Variants in GABRB2 observed in about 807,000 individuals in gnomAD.
GABRB2 encodes the protein gamma-aminobutyric acid type A receptor subunit beta2, also known as gamma-aminobutyric acid receptor subunit beta-2.
Under a neutral mutation model 54.7 loss-of-function variants are expected in GABRB2, and 16 were observed. The observed-to-expected ratio is 0.29, with a 90% confidence interval of 0.20 to 0.44. The LOEUF is 0.44. Among genes scored for constraint, GABRB2 ranks in the 20% least tolerant of loss-of-function variants. The probability of loss-of-function intolerance (pLI) is 1.00; values close to 1 mark genes in which losing one functional copy is unlikely to be tolerated. For synonymous variants in GABRB2, 244 were observed against 233.8 expected (o/e 1.04, Z -0.40); for missense variants, 355 against 644.0 (o/e 0.55, Z 4.86).
chr5:161,466,125 G>A (rs531166967), intron 3 of GABRB2, among the ~76,000 whole-genome samples: 1 of 151,916 alleles, frequency 6.6e-6, no homozygotes, highest in African/African-American at 2.4e-5. Flanking sequence ...GGATTTGCTT[G>A]GTGTGTGCTT....
chr5:161,500,940 C>T (rs1010473695), intron 3 of GABRB2, among the ~76,000 whole-genome samples: 2 of 152,044 alleles, frequency 1.3e-5, no homozygotes, highest in African/African-American at 2.4e-5. Flanking sequence ...CCCACTAACT[C>T]GTCATCTAGC....
chr5:161,481,953 T>C (rs1758775840), intron 3 of GABRB2, among the ~76,000 whole-genome samples: 1 of 151,984 alleles, frequency 6.6e-6, no homozygotes, highest in African/African-American at 2.4e-5. Flanking sequence ...GAGGCCTTTA[T>C]TCCACTGAGA....
chr5:161,379,649 A>G (rs1422952), intron 5 of GABRB2, among the ~76,000 whole-genome samples: 1 of 152,100 alleles, frequency 6.6e-6, no homozygotes, highest in South Asian at 2.1e-4. Flanking sequence ...AGAAGCAGAC[A>G]TTCATACATT....
chr5:161,366,765 G>A (rs1418694875), intron 5 of GABRB2, among the ~76,000 whole-genome samples: 1 of 152,124 alleles, frequency 6.6e-6, no homozygotes, highest in African/African-American at 2.4e-5. Context: ...GGCCAACATG[G>A]CAAAACCCCG....
At chr5:161,421,005 C>T (rs994123852) in intron 4 of GABRB2, among the ~76,000 whole-genome samples, 4 of 152,150 alleles carry the variant, frequency 2.6e-5, no homozygotes, top group African/African-American at 9.7e-5. Flanking sequence ...ACCTAAGGAG[C>T]CTTCTCCCAC....
chr5:161,502,171 T>TG (rs1759465077), intron 3 of GABRB2, among the ~76,000 whole-genome samples: 1 of 151,616 alleles, frequency 6.6e-6, no homozygotes, highest in South Asian at 2.1e-4. Context: ...ATTATGTTGA[T>TG]GGGGAAATCA....
chr5:161,531,617 G>A (rs1251677291), intron 3 of GABRB2, among the ~76,000 whole-genome samples: 1 of 151,894 alleles, frequency 6.6e-6, no homozygotes, highest in Non-Finnish European at 1.5e-5. Flanking sequence ...AATCACTTTT[G>A]AGTGATCCAT....
intron 4 of GABRB2, among the ~76,000 whole-genome samples, chr5:161,420,186 C>T (rs1053074232): frequency 2.0e-5 from 3 of 151,864 alleles, no homozygotes; most frequent in African/African-American, 7.3e-5. Context: ...CATTTCAGAA[C>T]AAGTTTATCA....
At chr5:161,428,896 C>T (rs1249123147) in intron 4 of GABRB2, among the ~76,000 whole-genome samples, 1 of 151,988 alleles carries the variant, frequency 6.6e-6, no homozygotes, top group Non-Finnish European at 1.5e-5. Flanking sequence ...TACCTCTGAA[C>T]ATGGATATAA....
upstream of GABRB2, chr5:161,546,734 T>G: frequency 6.5e-7 from 1 of 1,532,990 alleles, no homozygotes; most frequent in African/African-American, 1.4e-5. Flanking sequence ...GTGAGGCGCA[T>G]GCGCACGGCG....
At chr5:161,415,403 A>T (rs948765625) in intron 4 of GABRB2, among the ~76,000 whole-genome samples, 12 of 152,214 alleles carry the variant, frequency 7.9e-5, no homozygotes. Flanking sequence ...TATTATCCAA[A>T]AATGAATTGT....
At position 161,519,918 on chromosome 5, in the gene GABRB2, T is replaced by C. The variant is rs376736572; in HGVS notation, c.237+25309A>G. 5.3e-5 allele frequency among the ~76,000 whole-genome samples: 8 copies of C among 152,300 alleles called. No homozygotes were observed. The South Asian group carries it at 1.4e-3, about 28-fold the overall frequency. ...AAGGTCAAAGAGGAATAAACTATAT[T>C]TGATATTTTAAATTACATATCTAAC... On this transcript the variant is annotated intron_variant, in intron 3 of 9. Transcript: ENST00000393959.
intron 7 of GABRB2, 27 bp from the exon 8 acceptor site, chr5:161,331,154 A>C (rs1369759990): frequency 6.6e-7 from 1 of 1,518,664 alleles, no homozygotes; most frequent in East Asian, 2.3e-5. Flanking sequence ...GAGTTAGAGT[A>C]ATAATGTTCC....
At chr5:161,459,396 C>T (rs1477089768) in intron 4 of GABRB2, 7 of 558,798 alleles carry the variant, frequency 1.3e-5, no homozygotes, top group East Asian at 3.1e-5. Flanking sequence ...GCTTTAGGAT[C>T]AGCAGCTGAT....
At position 161,326,448 on chromosome 5, in the gene GABRB2, G is replaced by T; in HGVS notation, c.1111C>A (p.Gln371Lys). The change falls in exon 9 of 10, where the codon CAA becomes AAA. Residue 371 changes from glutamine to lysine, a missense_variant. By Grantham distance (53) the Gln-to-Lys change is moderately conservative. Transcript: ENST00000393959. ...FYKDIKQNGT[Q>K]YRSLWDPTGN... ...GTAGGGTCCCACAAGGATCGATATT[G>T]GGTCCCATTTTGTTTAATATCTTTA... 1 of 1,613,496 alleles carries T rather than the reference G, an allele frequency of 6.2e-7. No homozygotes were observed. The highest frequency in any genetic ancestry group is 1.7e-4 in the Middle Eastern group (1 of 6,060).
intron 5 of GABRB2, among the ~76,000 whole-genome samples, chr5:161,410,388 T>TCACACACACACACA (rs1491564761): frequency 6.7e-6 from 1 of 149,626 alleles, no homozygotes; most frequent in African/African-American, 2.5e-5. Flanking sequence ...TAAACAGAAT[T>TCACACACACACACA]CTCACACACA....
At chr5:161,348,562 A>G (rs1321413245) in intron 5 of GABRB2, among the ~76,000 whole-genome samples, 2 of 152,094 alleles carry the variant, frequency 1.3e-5, no homozygotes, top group Non-Finnish European at 2.9e-5. Flanking sequence ...CCTCAAGGAC[A>G]TATCAAAAGG....
chr5:161,536,826 G>GA (rs1313478799), intron 3 of GABRB2, among the ~76,000 whole-genome samples: 1 of 152,072 alleles, frequency 6.6e-6, no homozygotes, highest in Admixed American at 6.6e-5. Flanking sequence ...TTGAACTCCT[G>GA]ACCTCAGGTG....
At chr5:161,527,000 T>C (rs941860703) in intron 3 of GABRB2, among the ~76,000 whole-genome samples, 1 of 151,496 alleles carries the variant, frequency 6.6e-6, no homozygotes, top group Non-Finnish European at 1.5e-5. Context: ...GTAGCATTTT[T>C]AAATTGCCAA....
Sources: allele counts gnomAD v4.1 joint callset (sites outside exome capture counted in the v4.1 genomes callset), GRCh38; gene constraint gnomAD v4.1.1; transcripts MANE v1.5; gene names NCBI Gene and HGNC (gene_info 2026-07-23, HGNC 2026-07-21).